PLAT: variants seen among roughly 807,000 people sequenced by gnomAD.
PLAT encodes tissue-type plasminogen activator.
PLAT carries 48 observed loss-of-function variants against 74.9 expected under a neutral mutation model. The observed-to-expected ratio is 0.64, with a 90% CI of 0.51 to 0.82. PLAT has a LOEUF of 0.82. PLAT is among the 40% of genes least tolerant of loss of function. The pLI is 0.00. For synonymous variants in PLAT, 307 were observed against 294.4 expected (o/e 1.04, Z -0.44); for missense variants, 673 against 736.2 (o/e 0.91, Z 0.99).
intron 13 of PLAT, among the ~76,000 whole-genome samples, chr8:42,178,372 G>A (rs1805062624): frequency 6.6e-6 from 1 of 150,732 alleles, no homozygotes; most frequent in African/African-American, 2.4e-5. Context: ...CCGGGTTCAA[G>A]CGATTCTCCT....
chr8:42,187,228 A>C, intron 6 of PLAT, 170 bp downstream of exon 6: 1 of 521,640 alleles, frequency 1.9e-6, no homozygotes, highest in Non-Finnish European at 3.4e-6. Flanking sequence ...TCTATCATCT[A>C]TCAATCTATC....
chr8:42,194,241 A>AGAGAGAGTGTGTGTGTGTGTGT (rs1419569830), intron 1 of PLAT, among the ~76,000 whole-genome samples: 4 of 52,544 alleles, frequency 7.6e-5, no homozygotes, highest in African/African-American at 2.7e-4. Context: ...AGAGAGAGAG[A>AGAGAGAGTGTGTGTGTGTGTGT]GTGTGTGTGT....
intron 3 of PLAT, 134 bp from the exon 4 acceptor site, chr8:42,189,205 A>G (rs1252808792): frequency 3.6e-6 from 3 of 842,600 alleles, no homozygotes; most frequent in Non-Finnish European, 5.6e-6. Flanking sequence ...TTGAAGAGAC[A>G]CAACTGGAAG....
intron 13 of PLAT, among the ~76,000 whole-genome samples, chr8:42,178,140 T>G (rs138800515): frequency 2.6e-5 from 4 of 152,382 alleles, no homozygotes; most frequent in African/African-American, 9.6e-5. Context: ...GGGCTGAATG[T>G]GAGTTTTGAA....
chr8:42,186,836 A>G (rs1353580250), intron 6 of PLAT: 1 of 151,364 alleles, frequency 6.6e-6, no homozygotes, highest in African/African-American at 2.4e-5. Context: ...ATCTTCTATC[A>G]TCTATCAATC....
At chr8:42,202,290 C>A (rs1431840283) in intron 1 of PLAT, among the ~76,000 whole-genome samples, 1 of 152,062 alleles carries the variant, frequency 6.6e-6, no homozygotes, top group Non-Finnish European at 1.5e-5. Flanking sequence ...CCACCTCGGG[C>A]TCCCAAAGTG....
rs8178697 is a variant in PLAT, at chr8:42,201,327, C to T, written c.-27+6167G>A. Among the ~76,000 whole-genome samples the T allele has an allele frequency of 1.1e-3, 164 of 152,316 alleles. 1 individual carries two copies. Among genetic ancestry groups the T allele is most frequent in the African/African-American group, 3.7e-3 (153 of 41,564 alleles). On this transcript the variant is annotated intron_variant, in intron 1 of 13. Transcript: ENST00000220809. ...TCCGTCTTGCTGAATTGTAAGGTAA[C>T]TGGAAAAGAAGCAGGAAAGTCCTTC... is the stretch of plus-strand genomic sequence containing the variant.
intron 7 of PLAT, among the ~76,000 whole-genome samples, chr8:42,184,530 T>C (rs1426454785): frequency 6.6e-6 from 1 of 151,838 alleles, no homozygotes; most frequent in African/African-American, 2.4e-5. Context: ...CGGCTAATTT[T>C]TGTATTTTTA....
At position 42,174,920 on chromosome 8, in the gene PLAT, T is replaced by TTATTTTTTCCTTAAGATTC. The variant is rs8178894; in HGVS notation, c.*1054_*1072dup. ...TGTCCACAGTCCACGTCTCACCCAG[T>TTATTTTTTCCTTAAGATTC]TATTTTTTCCTTAAGATTCTATTTT... On this transcript the variant is annotated 3_prime_UTR_variant, in exon 14 of 14. Transcript: ENST00000220809. 2.0e-5 allele frequency among the ~76,000 whole-genome samples: 3 copies of TTATTTTTTCCTTAAGATTC among 152,188 alleles called. No homozygotes were observed. The highest frequency in any genetic ancestry group is 7.2e-5 in the African/African-American group (3 of 41,436).
intron 1 of PLAT, among the ~76,000 whole-genome samples, chr8:42,195,882 A>G (rs999621113): frequency 1.3e-5 from 2 of 152,220 alleles, no homozygotes; most frequent in Admixed American, 1.3e-4. Flanking sequence ...GGAATTGTGA[A>G]TGAAACAGCA....
At chr8:42,192,110 C>T (rs1401149126) in intron 2 of PLAT, among the ~76,000 whole-genome samples, 1 of 150,710 alleles carries the variant, frequency 6.6e-6, no homozygotes, top group African/African-American at 2.4e-5. Flanking sequence ...CTTAAGCGAT[C>T]CTCCCGCCTC....
intron 1 of PLAT, among the ~76,000 whole-genome samples, chr8:42,199,210 G>A (rs916485827): frequency 5.9e-5 from 9 of 152,320 alleles, no homozygotes; most frequent in African/African-American, 2.2e-4. Context: ...AGGCTAAATG[G>A]TTATTTTCCC....
chr8:42,190,490 T>C (rs1472445828), intron 3 of PLAT, among the ~76,000 whole-genome samples: 1 of 152,232 alleles, frequency 6.6e-6, no homozygotes, highest in Non-Finnish European at 1.5e-5. Context: ...ACAACAACTT[T>C]ACTTTCAATT....
At chr8:42,178,855 C>T (rs1167598550) in intron 13 of PLAT, 42 bp downstream of exon 13, 4 of 1,598,668 alleles carry the variant, frequency 2.5e-6, no homozygotes, top group Non-Finnish European at 2.6e-6. Flanking sequence ...GGGGCATTCT[C>T]CCCTGGGTTG....
Position 42,176,088 on chromosome 8 carries a change from T to C in PLAT, c.1594A>G (p.Ser532Gly). 1 of 1,614,014 alleles carries C rather than the reference T, an allele frequency of 6.2e-7. No homozygotes were observed. The highest frequency in any genetic ancestry group is 1.1e-5 in the South Asian group (1 of 91,040). The change falls in exon 14 of 14, where the codon AGC (serine) becomes GGC (glycine). Residue 532 changes from serine (S) to glycine (G), a missense_variant. By Grantham distance (56) the Ser-to-Gly change is moderately conservative (BLOSUM62 0). Coordinates refer to ENST00000220809, the MANE Select transcript of PLAT (RefSeq NM_000930.5). ...DGRMTLVGIISWGLGCGQKDV... is the reference protein window; with the variant it reads ...DGRMTLVGIIGWGLGCGQKDV... ...TTCTGTCCACAGCCCAGGCCCCAGC[T>C]GATGATGCCCACCAAAGTCATGCGG...
intron 1 of PLAT, among the ~76,000 whole-genome samples, chr8:42,194,046 C>CT (rs1805796946): frequency 5.7e-5 from 3 of 52,842 alleles, no homozygotes; most frequent in African/African-American, 2.7e-4. Flanking sequence ...CTTCTTTCTT[C>CT]TTTCTTTTTT....
Position 42,189,075 on chromosome 8 carries a change from T to C in PLAT, c.116-4A>G, listed in dbSNP as rs1174179324. 1.9e-6 allele frequency: 3 copies of C among 1,611,966 alleles called. No homozygotes were observed. Among genetic ancestry groups the C allele is most frequent in the South Asian group, 1.1e-5 (1 of 91,054 alleles). On this transcript the variant is annotated splice_region_variant and splice_polypyrimidine_tract_variant and intron_variant, in intron 3 of 13. Coordinates refer to ENST00000220809, the MANE Select transcript of PLAT (RefSeq NM_000930.5). ...GTTTTTTCATCTCTGCAGATCACTA[T>C]GAGAAAAGACAGGCCAGCCTCATCA...
At chr8:42,205,762 T>C (rs1212804293) in intron 1 of PLAT, among the ~76,000 whole-genome samples, 1 of 152,226 alleles carries the variant, frequency 6.6e-6, no homozygotes, top group African/African-American at 2.4e-5. Flanking sequence ...CTGAAATGTA[T>C]GAAACCAAGC....
At chr8:42,188,791 T>G (rs1007692953) in intron 4 of PLAT, 143 bp downstream of exon 4, 1 of 692,304 alleles carries the variant, frequency 1.4e-6, no homozygotes, top group Non-Finnish European at 2.5e-6. Context: ...TCTGGCTAAT[T>G]TTTTTATTTT....
Sources: gnomAD v4.1 joint callset for allele counts (sites outside exome capture counted in the v4.1 genomes callset) on GRCh38, gnomAD v4.1.1 for gene constraint, MANE v1.5 for transcripts, NCBI Gene and HGNC (gene_info 2026-07-23, HGNC 2026-07-21) for gene names.